Variants in PLXNA2 observed in about 807,000 individuals in gnomAD.
PLXNA2 encodes plexin-A2.
PLXNA2 carries 91 observed loss-of-function variants against 193.5 expected under a neutral mutation model. That is an observed-to-expected ratio of 0.47 (90% CI 0.40 to 0.56). PLXNA2 has a LOEUF of 0.56. Ranked by LOEUF, PLXNA2 falls within the 20% of genes least tolerant of loss-of-function variation. PLXNA2 has a pLI of 0.00. For synonymous variants in PLXNA2, 997 were observed against 1,027.3 expected (o/e 0.97, Z 0.56); for missense variants, 1,995 against 2,503.2 (o/e 0.80, Z 4.33).
intron 26 of PLXNA2, among the ~76,000 whole-genome samples, chr1:208,034,936 T>G (rs1417156175): frequency 6.6e-6 from 1 of 152,214 alleles, no homozygotes; most frequent in Non-Finnish European, 1.5e-5. Context: ...TTATTGATAA[T>G]TTTTAAATTG....
At chr1:208,173,212 A>C (rs746498132) in intron 3 of PLXNA2, among the ~76,000 whole-genome samples, 9 of 152,250 alleles carry the variant, frequency 5.9e-5, no homozygotes, top group Non-Finnish European at 1.2e-4. Flanking sequence ...TTGGAACAGT[A>C]GATGGCACAG....
rs75543803 is a variant in PLXNA2, at chr1:208,178,476, C to A, written c.1371+31804G>T. 5.8e-3 allele frequency among the ~76,000 whole-genome samples: 877 copies of A among 152,294 alleles called. 7 individuals carry two copies. The highest frequency in any genetic ancestry group is 9.4e-3 in the Non-Finnish European group (639 of 68,004). Reference sequence around the variant, plus strand: ...TGAGTCAGGCTGGCCCCAGCACCCCCTTGAGGAAGGCCTAAAATACCAAAT... The same window carrying A: ...TGAGTCAGGCTGGCCCCAGCACCCCATTGAGGAAGGCCTAAAATACCAAAT... On this transcript the variant is annotated intron_variant, in intron 3 of 31. Transcript: ENST00000367033.
At chr1:208,128,209 C>T (rs1327003487) in intron 4 of PLXNA2, among the ~76,000 whole-genome samples, 1 of 152,226 alleles carries the variant, frequency 6.6e-6, no homozygotes, top group Non-Finnish European at 1.5e-5. Flanking sequence ...TGAGCCTCCA[C>T]AGTTATCTGT....
chr1:208,030,061 C>G (rs968228729), intron 29 of PLXNA2: 11 of 985,356 alleles, frequency 1.1e-5, no homozygotes, highest in African/African-American at 3.5e-5. Context: ...AGTGCCAGGT[C>G]TTGGGGAAGA....
At chr1:208,151,043 G>A (rs1668748381) in intron 3 of PLXNA2, among the ~76,000 whole-genome samples, 1 of 152,224 alleles carries the variant, frequency 6.6e-6, no homozygotes, top group African/African-American at 2.4e-5. Flanking sequence ...GGAACAAGAC[G>A]AAGCTGCCAG....
chr1:208,217,173 C>T lies in PLXNA2; in HGVS notation c.750G>A (p.Gly250=). The T allele has an allele frequency of 1.9e-6, 3 of 1,614,122 alleles. No homozygotes were observed. Among genetic ancestry groups the T allele is most frequent in the Non-Finnish European group, 8.5e-7 (1 of 1,180,020 alleles). Residue 250 remains glycine (G), a synonymous_variant, in exon 2 of 32, where the codon GGG becomes GGA. Coordinates refer to ENST00000367033, the MANE Select transcript of PLXNA2 (RefSeq NM_025179.4). This position sits in a 1 kb window ranked among gnomAD's most constrained non-coding sequence, Gnocchi z 4.7. ...DIFYIYGFAS[G]GFVYFLTVQP... ...GGACAGTGAGAAAGTAGACAAAGCC[C>T]CCACTAGCAAAGCCGTAGATGTAGA...
intron 9 of PLXNA2, 32 bp from the exon 10 acceptor site, chr1:208,084,612 C>A (rs1207801847): frequency 1.9e-6 from 3 of 1,602,886 alleles, no homozygotes; most frequent in African/African-American, 2.7e-5. Flanking sequence ...CTCCATCTGT[C>A]CCCTGTTCAT....
In PLXNA2 at chr1:208,045,898, C is replaced by T. The variant is rs1665046940; in HGVS notation, c.3475G>A (p.Gly1159Arg). 6.2e-7 allele frequency: 1 copy of T among 1,614,272 alleles called. No homozygotes were observed. The highest frequency in any genetic ancestry group is 2.2e-5 in the East Asian group (1 of 44,888). Reference sequence around the variant, plus strand: ...CCTACCTTCAGAATGATGGGCGATCCTGGCTTTTGATCCAAGACTCCAGTA... The same window carrying T: ...CCTACCTTCAGAATGATGGGCGATCTTGGCTTTTGATCCAAGACTCCAGTA... ...SPTGVLDQKP[G>R]SPIILKGKNL... Residue 1159 changes from glycine (G) to arginine (R), a missense_variant, in exon 18 of 32, where the codon GGA becomes AGA. Transcript: ENST00000367033.
chr1:208,154,557 A>C (rs940402191), intron 3 of PLXNA2, among the ~76,000 whole-genome samples: 5 of 152,180 alleles, frequency 3.3e-5, no homozygotes, highest in Non-Finnish European at 4.4e-5. Context: ...GAGCTACACT[A>C]GGGCCAACTC....
chr1:208,034,563 G>A lies in PLXNA2; in HGVS notation c.4794C>T (p.Val1598=). The A allele has an allele frequency of 1.2e-6, 2 of 1,613,852 alleles. No individual in the cohort carries two copies. The highest frequency in any genetic ancestry group is 8.5e-7 in the Non-Finnish European group (1 of 1,179,748). ...TGTTGTAGGAGGAGGTCTGTTTGGG[G>A]ACCAGAGCCACCACCGACCTGTCTG... The part of the protein sequence containing the change: ...QVSDRSVVAL[V]PKQTSSYNIP... The change falls in exon 27 of 32, where the codon GTC becomes GTT. Residue 1598 remains valine, a synonymous_variant. Coordinates refer to ENST00000367033, the MANE Select transcript of PLXNA2 (RefSeq NM_025179.4).
chr1:208,182,047 T>TAGCTC (rs59366590), intron 3 of PLXNA2, among the ~76,000 whole-genome samples: 147,005 of 151,712 alleles, frequency 0.97, 71,391 homozygotes, highest in East Asian at 1. Context: ...CTGTTCAGTC[T>TAGCTC]AGCTCAGCTC....
intron 3 of PLXNA2, among the ~76,000 whole-genome samples, chr1:208,165,571 A>G (rs1364755777): frequency 4.6e-5 from 7 of 152,140 alleles, no homozygotes; most frequent in South Asian, 2.1e-4. Context: ...CCCATTAGGA[A>G]AACAACAACG....
intron 6 of PLXNA2, among the ~76,000 whole-genome samples, chr1:208,098,452 TCTCTCTCA>T (rs761743914): frequency 0.077 from 9,317 of 120,300 alleles, 311 homozygotes; most frequent in Middle Eastern, 0.19. Context: ...TCTCTCTCTC[TCTCTCTCA>T]CACACACACA....
chr1:208,078,747 C>A (rs1666236569), intron 12 of PLXNA2, among the ~76,000 whole-genome samples: 1 of 152,182 alleles, frequency 6.6e-6, no homozygotes, highest in Non-Finnish European at 1.5e-5. Flanking sequence ...ACTTCCTTTT[C>A]TTTCCATTAA....
At chr1:208,211,633 C>T (rs962586850) in intron 2 of PLXNA2, among the ~76,000 whole-genome samples, 6 of 149,182 alleles carry the variant, frequency 4.0e-5, no homozygotes, top group South Asian at 2.1e-4. Flanking sequence ...GCGGAGGTTG[C>T]AGTGAGCCGA....
chr1:208,169,407 G>A (rs762947824), intron 3 of PLXNA2, among the ~76,000 whole-genome samples: 7 of 152,216 alleles, frequency 4.6e-5, no homozygotes, highest in Non-Finnish European at 8.8e-5. Context: ...ACTTTAACTC[G>A]TCATGAATAT....
chr1:208,155,800 T>G (rs546914041), intron 3 of PLXNA2, among the ~76,000 whole-genome samples: 20 of 149,112 alleles, frequency 1.3e-4, no homozygotes, highest in African/African-American at 4.2e-4. Flanking sequence ...GTCACAGGGG[T>G]GTGGTGGGGT....
chr1:208,243,964 G>C lies in PLXNA2; in HGVS notation c.-402C>G, dbSNP rs1672149701. On this transcript the variant is annotated 5_prime_UTR_variant, in exon 1 of 32. Coordinates refer to ENST00000367033, the MANE Select transcript of PLXNA2 (RefSeq NM_025179.4). ...GGGGCGTGTGGGGGCGGCCGGCGGT[G>C]TCTCTCCTGAGGAAGAAGCAGAGCC... The C allele has an allele frequency of 6.6e-6, 1 of 152,504 alleles. No homozygotes were observed. The highest frequency in any genetic ancestry group is 6.5e-5 in the Admixed American group (1 of 15,314). 9.4% of individuals were successfully genotyped at this position (152,504 alleles called of 1,614,324 possible). A position where few individuals can be genotyped will look rare whatever the true frequency, so the allele number is the denominator to read the frequency against.
chr1:208,062,011 A>G (rs1665634637), intron 12 of PLXNA2, among the ~76,000 whole-genome samples: 2 of 152,188 alleles, frequency 1.3e-5, no homozygotes, highest in African/African-American at 4.8e-5. Context: ...ACACAGTTGT[A>G]AAAAGGTCCA....
Sources: allele counts gnomAD v4.1 joint callset (sites outside exome capture counted in the v4.1 genomes callset), GRCh38; gene constraint gnomAD v4.1.1; non-coding constraint Gnocchi (gnomAD v3.1); transcripts MANE v1.5; gene names NCBI Gene and HGNC (gene_info 2026-07-23, HGNC 2026-07-21).